Variants in DHRS11 observed in about 807,000 individuals in gnomAD.
The protein encoded by DHRS11 is dehydrogenase/reductase 11.
DHRS11 carries 18 observed loss-of-function variants against 30.7 expected under a neutral mutation model. The observed-to-expected ratio is 0.59, with a 90% CI of 0.41 to 0.87. The LOEUF (loss-of-function observed/expected upper bound fraction) is 0.87, where lower values mean the gene tolerates loss of function less well. Among genes scored for constraint, DHRS11 ranks in the 40% least tolerant of loss-of-function variants. DHRS11 has a pLI of 0.00. For missense variants in DHRS11, 300 were observed against 349.0 expected (o/e 0.86, Z 1.12); for synonymous variants, 123 against 139.6 (o/e 0.88, Z 0.84).
Position 36,598,928 on chromosome 17 carries a change from G to A in DHRS11, c.460G>A (p.Gly154Ser), listed in dbSNP as rs767660664. The A allele has an allele frequency of 6.2e-7, 1 of 1,612,618 alleles. No individual in the cohort carries two copies. Residue 154 changes from glycine to serine, a missense_variant, in exon 4 of 7, where the codon GGC becomes AGC. Physicochemically the swap from Gly to Ser is moderately conservative, Grantham distance 56 (BLOSUM62 0). Transcript: ENST00000618403. The part of the protein sequence containing the change: ...GHIININSMS[G>S]HRVLPLSVTH... ...CTTCCTCTCCCCACCCAGCATGTCTGGCCACCGAGTGTTACCCCTGTCTGT... is the reference window on the plus strand; with the variant it reads ...CTTCCTCTCCCCACCCAGCATGTCTAGCCACCGAGTGTTACCCCTGTCTGT...
intron 2 of DHRS11, 48 bp downstream of exon 2, chr17:36,595,228 G>C: frequency 6.2e-7 from 1 of 1,605,886 alleles, no homozygotes; most frequent in Non-Finnish European, 8.5e-7. Context: ...GGGGAGGAGA[G>C]AGGGGAGCCA....
At chr17:36,599,336 C>T (rs2074836771) in intron 4 of DHRS11, 1 of 554,184 alleles carries the variant, frequency 1.8e-6, no homozygotes, top group Non-Finnish European at 3.1e-6. Flanking sequence ...TGGCTGGAAA[C>T]CGGGACTCTG....
At position 36,599,743 on chromosome 17, in the gene DHRS11, G is replaced by T. The variant is rs1230631295; in HGVS notation, c.655G>T (p.Ala219Ser). 6.2e-7 allele frequency: 1 copy of T among 1,614,202 alleles called. No individual in the cohort carries two copies. The highest frequency in any genetic ancestry group is 1.7e-5 in the Admixed American group (1 of 60,024). Residue 219 changes from alanine (A) to serine (S), a missense_variant, in exon 5 of 7, where the codon GCC (alanine) becomes TCC (serine). Coordinates refer to ENST00000618403, the MANE Select transcript of DHRS11 (RefSeq NM_024308.4). The stretch of plus-strand genomic sequence containing the variant: ...CGACAAGGACCCTGAGAAGGCAGCT[G>T]CCACCTATGAGCAAATGAAGGTGGG... Reference protein sequence around the residue: ...LHDKDPEKAAATYEQMKCLKP... With the variant: ...LHDKDPEKAASTYEQMKCLKP...
Position 36,595,410 on chromosome 17 carries a change from C to CTTTTTTTT in DHRS11, c.357+250_357+257dup, listed in dbSNP as rs34424724. Reference sequence around the variant, plus strand: ...CTTCTTTGAGCCCCTGGAGGTAGTTCTTTTTTTTTTTTTTTTTTTTTTTTT... The same window carrying CTTTTTTTT: ...CTTCTTTGAGCCCCTGGAGGTAGTTCTTTTTTTTTTTTTTTTTTTTTTTTTTTTTTTTT... On this transcript the variant is annotated intron_variant, in intron 2 of 6. Coordinates refer to ENST00000618403, the MANE Select transcript of DHRS11 (RefSeq NM_024308.4). Among the ~76,000 whole-genome samples the CTTTTTTTT allele has an allele frequency of 3.5e-4, 18 of 51,642 alleles. 2 individuals are homozygous for CTTTTTTTT. Among genetic ancestry groups the CTTTTTTTT allele is most frequent in the Admixed American group, 1.4e-3 (5 of 3,450 alleles). 33.9% of individuals were successfully genotyped at this position (51,642 alleles called of 152,430 possible).
At chr17:36,593,080 C>T (rs2074781479) in intron 1 of DHRS11, among the ~76,000 whole-genome samples, 2 of 152,190 alleles carry the variant, frequency 1.3e-5, no homozygotes, top group South Asian at 2.1e-4. Context: ...CCCACTCTTT[C>T]CTCCCTTTAT....
At position 36,600,268 on chromosome 17, in the gene DHRS11, G is replaced by T. The variant is rs367761305; in HGVS notation, c.*65G>T. 50 of 1,601,260 alleles carry T rather than the reference G, an allele frequency of 3.1e-5. No homozygotes were observed. The African/African-American group carries it at 6.0e-4, about 19-fold the overall frequency. Reference sequence around the variant, plus strand: ...GCTTGCCTCCTGCCTCTGGATTTTAGGTGTTGATTTCTGGATCACGGGATA... The same window carrying T: ...GCTTGCCTCCTGCCTCTGGATTTTATGTGTTGATTTCTGGATCACGGGATA... On this transcript the variant is annotated 3_prime_UTR_variant, in exon 7 of 7. Coordinates refer to ENST00000618403, the MANE Select transcript of DHRS11 (RefSeq NM_024308.4).
chr17:36,598,638 A>G, intron 3 of DHRS11: 1 of 521,744 alleles, frequency 1.9e-6, no homozygotes. Context: ...GAACCGTATC[A>G]GTGAACATAC....
rs1599568525 is a variant in DHRS11 at position 36,598,910 on chromosome 17, T to C, written c.453-11T>C. 1 of 1,608,878 alleles carries C rather than the reference T, an allele frequency of 6.2e-7. No individual in the cohort carries two copies. The highest frequency in any genetic ancestry group is 8.5e-7 in the Non-Finnish European group (1 of 1,177,458). ...CATTCTCTCCTCTTTCCCCTTCCTC[T>C]CCCCACCCAGCATGTCTGGCCACCG... On this transcript the variant is annotated splice_polypyrimidine_tract_variant and intron_variant, in intron 3 of 6. Coordinates refer to ENST00000618403, the MANE Select transcript of DHRS11 (RefSeq NM_024308.4).
chr17:36,596,212 G>A (rs970307436), intron 2 of DHRS11: 3 of 152,122 alleles, frequency 2.0e-5, no homozygotes, highest in Non-Finnish European at 4.4e-5. Context: ...CCAGGCTGGA[G>A]TGCAGTGGCG....
Position 36,598,191 on chromosome 17 carries a change from C to A in DHRS11, c.386C>A (p.Thr129Lys). The A allele has an allele frequency of 6.2e-7, 1 of 1,614,102 alleles. No homozygotes were observed. The highest frequency in any genetic ancestry group is 8.5e-7 in the Non-Finnish European group (1 of 1,180,012). The change falls in exon 3 of 7, where the codon ACA (threonine) becomes AAA (lysine). Residue 129 changes from threonine to lysine, a missense_variant. By Grantham distance (78) the Thr-to-Lys change is moderately conservative. Transcript: ENST00000618403. Reference protein sequence around the residue: ...NVNVLALSICTREAYQSMKER... With the variant: ...NVNVLALSICKREAYQSMKER... ...AACGTGCTGGCCCTCAGCATCTGCA[C>A]ACGGGAAGCCTACCAGTCCATGAAG...
At chr17:36,598,846 C>G in intron 3 of DHRS11, 75 bp from the exon 4 acceptor site, 1 of 1,539,146 alleles carries the variant, frequency 6.5e-7, no homozygotes. Context: ...GTGGGGCTGA[C>G]CGGGTACGGC....
At position 36,592,172 on chromosome 17, in the gene DHRS11, G is replaced by T; in HGVS notation, c.147+16G>T. On this transcript the variant is annotated intron_variant, in intron 1 of 6. Transcript: ENST00000618403. The surrounding 1 kb of genome is among the most constrained non-coding windows in gnomAD (Gnocchi z 4.4). ...CAACATCGAGGTGAGGCCGGGCCGAGGGCGGGGACGTCGCGGGCGGGTCGT... is the reference window on the plus strand; with the variant it reads ...CAACATCGAGGTGAGGCCGGGCCGATGGCGGGGACGTCGCGGGCGGGTCGT... 7.9e-7 allele frequency: 1 copy of T among 1,270,672 alleles called. No individual in the cohort carries two copies. Among genetic ancestry groups the T allele is most frequent in the East Asian group, 2.9e-5 (1 of 33,982 alleles). 78.7% of individuals were successfully genotyped at this position (1,270,672 alleles called of 1,614,324 possible). A position where few individuals can be genotyped will look rare whatever the true frequency, so the allele number is the denominator to read the frequency against.
At position 36,600,385 on chromosome 17, in the gene DHRS11, A is replaced by C; in HGVS notation, c.*182A>C. The C allele has an allele frequency of 1.4e-6, 1 of 711,506 alleles. No homozygotes were observed. The allele number at this position is 711,506 out of a possible 1,614,324, so 44.1% of individuals were successfully genotyped here. A position where few individuals can be genotyped will look rare whatever the true frequency, so the allele number is the denominator to read the frequency against. On this transcript the variant is annotated 3_prime_UTR_variant, in exon 7 of 7. Transcript: ENST00000618403. ...AAATTGCTTCAGTTGTAAATGTGAA[A>C]AATGGGCTGGGGAAAGGAGGTGGTG...
In DHRS11 at chr17:36,592,424, G is replaced by T. The variant is rs914819207; in HGVS notation, c.147+268G>T. 2.0e-5 allele frequency among the ~76,000 whole-genome samples: 3 copies of T among 152,202 alleles called. No individual in the cohort carries two copies. Among genetic ancestry groups the T allele is most frequent in the Non-Finnish European group, 2.9e-5 (2 of 68,042 alleles). On this transcript the variant is annotated intron_variant, in intron 1 of 6. Transcript: ENST00000618403. The surrounding 1 kb of genome is among the most constrained non-coding windows in gnomAD (Gnocchi z 4.4). ...GTATTGGCCCGAGGAAGGGGAAGCC[G>T]GAGGTCGGGGGTGGTGGTCTCGCCC...
At position 36,592,569 on chromosome 17, in the gene DHRS11, G is replaced by A. The variant is rs966078886; in HGVS notation, c.147+413G>A. 6.6e-6 allele frequency among the ~76,000 whole-genome samples: 1 copy of A among 152,204 alleles called. No individual in the cohort carries two copies. The highest frequency in any genetic ancestry group is 6.5e-5 in the Admixed American group (1 of 15,288). ...AGCCAGGACTGAGGTTGGGGTTGGG[G>A]TGGGAGCTTTACTGAAGAGCCTCAG... On this transcript the variant is annotated intron_variant, in intron 1 of 6. Coordinates refer to ENST00000618403, the MANE Select transcript of DHRS11 (RefSeq NM_024308.4). This position sits in a 1 kb window ranked among gnomAD's most constrained non-coding sequence, Gnocchi z 4.4.
intron 1 of DHRS11, among the ~76,000 whole-genome samples, chr17:36,593,869 A>T (rs2074787958): frequency 6.6e-6 from 1 of 152,182 alleles, no homozygotes; most frequent in Non-Finnish European, 1.5e-5. Flanking sequence ...GTGCCCAGTC[A>T]CTGGCTTCCA....
chr17:36,600,125 A>C, intron 6 of DHRS11, 37 bp from the exon 7 acceptor site: 1 of 1,613,638 alleles, frequency 6.2e-7, no homozygotes, highest in Non-Finnish European at 8.5e-7. Flanking sequence ...GCCAGGGGAG[A>C]GTGTCACAGC....
intron 2 of DHRS11, 82 bp downstream of exon 2, chr17:36,595,262 C>G: frequency 1.3e-6 from 2 of 1,512,678 alleles, no homozygotes; most frequent in Non-Finnish European, 1.8e-6. Context: ...CAGAGTGCTG[C>G]TGGGGACGGG....
chr17:36,598,242 T>C lies in DHRS11; in HGVS notation c.437T>C (p.Ile146Thr). The part of the protein sequence containing the change: ...MKERNVDDGH[I>T]ININSMSGHR... ...GAGCGGAATGTGGACGATGGGCACATCATTAACATCAATAGGTGAGGGCAG... is the reference window on the plus strand; with the variant it reads ...GAGCGGAATGTGGACGATGGGCACACCATTAACATCAATAGGTGAGGGCAG... The change falls in exon 3 of 7, where the codon ATC becomes ACC. Residue 146 changes from isoleucine (I) to threonine (T), a missense_variant. Ile to Thr is a moderately conservative substitution (Grantham distance 89). Coordinates refer to ENST00000618403, the MANE Select transcript of DHRS11 (RefSeq NM_024308.4). 6.2e-7 allele frequency: 1 copy of C among 1,614,064 alleles called. No homozygotes were observed. Among genetic ancestry groups the C allele is most frequent in the African/African-American group, 1.3e-5 (1 of 75,034 alleles).
Sources: allele counts gnomAD v4.1 joint callset (sites outside exome capture counted in the v4.1 genomes callset), GRCh38; gene constraint gnomAD v4.1.1; non-coding constraint Gnocchi (gnomAD v3.1); transcripts MANE v1.5; gene names NCBI Gene and HGNC (gene_info 2026-07-23, HGNC 2026-07-21).